Variants in GDPD4 observed in about 807,000 individuals in gnomAD.
GDPD4 encodes the protein glycerophosphodiester phosphodiesterase domain containing 4.
GDPD4 carries 60 observed loss-of-function variants against 67.8 expected under a neutral mutation model. The observed-to-expected ratio is 0.88, with a 90% confidence interval of 0.72 to 1.10. The LOEUF (loss-of-function observed/expected upper bound fraction) is 1.10, where lower values mean the gene tolerates loss of function less well. Ranked by LOEUF, GDPD4 falls within the 50% of genes least tolerant of loss-of-function variation. The probability of loss-of-function intolerance (pLI) is 0.00; values close to 1 mark genes in which losing one functional copy is unlikely to be tolerated. For missense variants in GDPD4, 623 were observed against 613.9 expected (o/e 1.01, Z -0.16); for synonymous variants, 212 against 210.9 (o/e 1.00, Z -0.04).
chr11:77,233,170 T>C lies in GDPD4; in HGVS notation c.1244A>G (p.Asp415Gly), dbSNP rs967400214. Reference sequence around the variant, plus strand: ...GATATGGATGTTAGCTGCTTTATAATCTCTGGAACAAAAACAGAACCCACA... The same window carrying C: ...GATATGGATGTTAGCTGCTTTATAACCTCTGGAACAAAAACAGAACCCACA... ...YKKLFPNGLR[D>G]YKAANIHINV... The change falls in exon 14 of 17, where the codon GAT (aspartate) becomes GGT (glycine). Residue 415 changes from aspartate to glycine, a missense_variant and splice_region_variant. Asp to Gly is a moderately conservative substitution (Grantham distance 94, BLOSUM62 -1). Transcript: ENST00000315938. 5.6e-6 allele frequency: 9 copies of C among 1,612,968 alleles called. No individual in the cohort carries two copies. The highest frequency in any genetic ancestry group is 7.6e-6 in the Non-Finnish European group (9 of 1,179,214).
At chr11:77,237,303 T>C (rs1958586614) in intron 13 of GDPD4, among the ~76,000 whole-genome samples, 1 of 152,212 alleles carries the variant, frequency 6.6e-6, no homozygotes, top group Admixed American at 6.5e-5. Context: ...TGCTGTATCC[T>C]TGAAATTAAT....
intron 1 of GDPD4, among the ~76,000 whole-genome samples, chr11:77,291,805 C>T (rs1185909748): frequency 2.6e-5 from 4 of 152,114 alleles, no homozygotes; most frequent in South Asian, 4.2e-4. Flanking sequence ...CCAAGGCAGG[C>T]GGATCAACTG....
chr11:77,227,142 T>C (rs1433138623), intron 16 of GDPD4, among the ~76,000 whole-genome samples: 1 of 152,216 alleles, frequency 6.6e-6, no homozygotes, highest in East Asian at 1.9e-4. Flanking sequence ...TACTGTGTGA[T>C]CATCCTCACA....
chr11:77,233,446 GAAAAAA>G (rs34507126), intron 13 of GDPD4, among the ~76,000 whole-genome samples: 28 of 100,398 alleles, frequency 2.8e-4, no homozygotes, highest in South Asian at 1.5e-3. Flanking sequence ...AAAACATATT[GAAAAAA>G]AAAAAAAAAA....
intron 1 of GDPD4, among the ~76,000 whole-genome samples, chr11:77,292,784 A>G (rs1320442972): frequency 6.6e-6 from 1 of 152,188 alleles, no homozygotes; most frequent in Non-Finnish European, 1.5e-5. Flanking sequence ...GACCCTAGAG[A>G]CATCAAAAGA....
intron 3 of GDPD4, among the ~76,000 whole-genome samples, chr11:77,281,353 CCA>C (rs1169011901): frequency 6.6e-6 from 1 of 152,028 alleles, no homozygotes; most frequent in African/African-American, 2.4e-5. Flanking sequence ...AAAAAAGATA[CCA>C]TCGATGGTGG....
At position 77,291,899 on chromosome 11, in the gene GDPD4, G is replaced by A. The variant is rs537564646; in HGVS notation, c.-253-4479C>T. 3.0e-4 allele frequency among the ~76,000 whole-genome samples: 45 copies of A among 152,126 alleles called. No individual in the cohort carries two copies. The East Asian group carries it at 7.7e-3, about 26-fold the overall frequency. ...TACAAAATTAGCTGGGCATGGTGGC[G>A]CATGCCTGTAATCCCAGCTCCTTGG... is the stretch of plus-strand genomic sequence containing the variant. On this transcript the variant is annotated intron_variant, in intron 1 of 16. Transcript: ENST00000315938.
At chr11:77,255,260 A>C (rs1435535342) in intron 11 of GDPD4, among the ~76,000 whole-genome samples, 2 of 152,232 alleles carry the variant, frequency 1.3e-5, no homozygotes, top group African/African-American at 4.8e-5. Flanking sequence ...ACAGTTTTGA[A>C]GAAATGTTTG....
At chr11:77,248,188 C>G (rs1356470479) in intron 11 of GDPD4, among the ~76,000 whole-genome samples, 3 of 150,250 alleles carry the variant, frequency 2.0e-5, no homozygotes, top group Non-Finnish European at 4.4e-5. Context: ...ATGTGAACAA[C>G]AATACAATTT....
At chr11:77,300,605 CTT>C (rs55897747) in intron 1 of GDPD4, among the ~76,000 whole-genome samples, 4,821 of 151,952 alleles carry the variant, frequency 0.032, 102 homozygotes, top group Middle Eastern at 0.058. Context: ...ATTAACTAGT[CTT>C]AACATTTATA....
intron 16 of GDPD4, among the ~76,000 whole-genome samples, chr11:77,222,865 C>T (rs1211437886): frequency 6.6e-6 from 1 of 152,206 alleles, no homozygotes; most frequent in East Asian, 1.9e-4. Context: ...CTTTCAGGTA[C>T]ACCAATCAAA....
rs531056496 is a variant in GDPD4, at chr11:77,258,557, G to T, written c.708-15C>A. On this transcript the variant is annotated splice_polypyrimidine_tract_variant and intron_variant, in intron 10 of 16. Transcript: ENST00000315938. ...CATGATCATAACTGAGGCAGAGGTA[G>T]AAAAGAAGGGCAGGGGTAGATAGGC... The T allele has an allele frequency of 6.2e-7, 1 of 1,613,262 alleles. No homozygotes were observed.
chr11:77,265,727 T>C (rs1959175004), intron 10 of GDPD4, among the ~76,000 whole-genome samples: 1 of 152,178 alleles, frequency 6.6e-6, no homozygotes, highest in South Asian at 2.1e-4. Flanking sequence ...TTTTATCACA[T>C]GTGCAGACAT....
intron 10 of GDPD4, among the ~76,000 whole-genome samples, chr11:77,264,582 G>A (rs899530019): frequency 6.6e-6 from 1 of 152,150 alleles, no homozygotes; most frequent in East Asian, 1.9e-4. Context: ...CAAATGCTGA[G>A]AGAGTAAGAT....
At chr11:77,280,425 T>TA (rs35301998) in intron 3 of GDPD4, among the ~76,000 whole-genome samples, 28,701 of 147,648 alleles carry the variant, frequency 0.19, 3,567 homozygotes, top group Non-Finnish European at 0.28. Flanking sequence ...TTTTCGAAAT[T>TA]AAAAAAAAAA....
chr11:77,282,042 C>T (rs951534103), intron 3 of GDPD4, among the ~76,000 whole-genome samples: 12 of 151,882 alleles, frequency 7.9e-5, no homozygotes, highest in Non-Finnish European at 1.0e-4. Context: ...ACAATAATGT[C>T]GTATGTGGTT....
intron 10 of GDPD4, among the ~76,000 whole-genome samples, chr11:77,260,149 A>G (rs778815074): frequency 1.3e-5 from 2 of 152,188 alleles, no homozygotes; most frequent in African/African-American, 2.4e-5. Flanking sequence ...TCTACTAAAA[A>G]TACAAAAATT....
At chr11:77,243,560 GAAAGGAGATTC>G in intron 13 of GDPD4, 123 bp downstream of exon 13, 1 of 760,896 alleles carries the variant, frequency 1.3e-6, no homozygotes, top group African/African-American at 1.8e-5. Flanking sequence ...GTAGGAAAAA[GAAAGGAGATTC>G]AAAGGAGATA....
chr11:77,289,327 C>T (rs970911672), intron 1 of GDPD4, among the ~76,000 whole-genome samples: 7 of 150,388 alleles, frequency 4.7e-5, no homozygotes, highest in Non-Finnish European at 8.9e-5. Flanking sequence ...CGCACCACTG[C>T]ACTCCAGCCT....
Sources: allele counts gnomAD v4.1 joint callset (sites outside exome capture counted in the v4.1 genomes callset), GRCh38; gene constraint gnomAD v4.1.1; transcripts MANE v1.5; gene names NCBI Gene and HGNC (gene_info 2026-07-23, HGNC 2026-07-21).